The following GPC5 variants were observed in gnomAD, a reference collection of about 807,000 sequenced individuals.
GPC5 encodes glypican 5, also known as glypican-5.
GPC5 carries 47 observed loss-of-function variants against 53.9 expected under a neutral mutation model. The observed-to-expected ratio is 0.87, with a 90% CI of 0.69 to 1.11. The LOEUF is 1.11. GPC5 is among the 50% of genes most tolerant of loss of function. The pLI, the probability that GPC5 is intolerant of heterozygous loss-of-function variation, is 0.00. For missense variants in GPC5, 748 were observed against 713.1 expected (o/e 1.05, Z -0.56); for synonymous variants, 286 against 263.3 (o/e 1.09, Z -0.84).
chr13:92,663,901 T>TAC (rs1886477210), intron 7 of GPC5, among the ~76,000 whole-genome samples: 1 of 35,240 alleles, frequency 2.8e-5, no homozygotes, highest in African/African-American at 7.8e-5. Flanking sequence ...TATATATATA[T>TAC]ATACACACAC....
intron 7 of GPC5, among the ~76,000 whole-genome samples, chr13:92,264,407 C>G (rs1331609691): frequency 6.6e-6 from 1 of 152,158 alleles, no homozygotes. Flanking sequence ...CCATATTTTG[C>G]TTTAAGGTGT....
chr13:92,532,334 T>C (rs1203947625), intron 7 of GPC5, among the ~76,000 whole-genome samples: 1 of 152,198 alleles, frequency 6.6e-6, no homozygotes, highest in Non-Finnish European at 1.5e-5. Context: ...TTGATGATTA[T>C]TAAAATCGTG....
At chr13:92,756,536 A>G (rs1176526347) in intron 7 of GPC5, among the ~76,000 whole-genome samples, 1 of 152,048 alleles carries the variant, frequency 6.6e-6, no homozygotes, top group Non-Finnish European at 1.5e-5. Flanking sequence ...ACAGGAAGTC[A>G]AATTGTCCCT....
chr13:92,549,890 C>CAT (rs1221352548), intron 7 of GPC5, among the ~76,000 whole-genome samples: 1 of 136,986 alleles, frequency 7.3e-6, no homozygotes, highest in Non-Finnish European at 1.6e-5. Context: ...CACATACACA[C>CAT]ACACACACAC....
intron 7 of GPC5, among the ~76,000 whole-genome samples, chr13:92,162,815 CT>C (rs1432991017): frequency 1.3e-5 from 2 of 152,034 alleles, no homozygotes; most frequent in African/African-American, 4.8e-5. Context: ...CAACTCAATA[CT>C]TTTTTTCTGT....
intron 6 of GPC5, among the ~76,000 whole-genome samples, chr13:92,059,434 G>A (rs7985366): frequency 0.041 from 6,201 of 151,842 alleles, 491 homozygotes; most frequent in African/African-American, 0.14. Context: ...CTGCCCAAAG[G>A]CAACCATTAT....
intron 6 of GPC5, among the ~76,000 whole-genome samples, chr13:91,994,322 G>A (rs981517437): frequency 3.9e-5 from 6 of 152,140 alleles, no homozygotes; most frequent in South Asian, 2.1e-4. Flanking sequence ...TGCCTGACAC[G>A]TTACTACTGC....
intron 5 of GPC5, among the ~76,000 whole-genome samples, chr13:91,868,678 C>T (rs2039110814): frequency 6.6e-6 from 1 of 152,090 alleles, no homozygotes; most frequent in Non-Finnish European, 1.5e-5. Flanking sequence ...GCACTCCAGC[C>T]TGGGTGACAG....
At chr13:92,723,954 G>A (rs992021349) in intron 7 of GPC5, among the ~76,000 whole-genome samples, 1 of 151,604 alleles carries the variant, frequency 6.6e-6, no homozygotes, top group East Asian at 1.9e-4. Flanking sequence ...TAATTGAACT[G>A]TTTTTTGCGT....
At chr13:92,345,044 C>T (rs933985225) in intron 7 of GPC5, among the ~76,000 whole-genome samples, 8 of 152,002 alleles carry the variant, frequency 5.3e-5, no homozygotes, top group African/African-American at 1.9e-4. Context: ...TACTTTTGAA[C>T]TAGCATAATA....
intron 1 of GPC5, among the ~76,000 whole-genome samples, chr13:91,408,868 C>G (rs979945954): frequency 6.6e-6 from 1 of 151,966 alleles, no homozygotes; most frequent in African/African-American, 2.4e-5. Context: ...TAGTCTTTTG[C>G]TTTTCCTTGT....
intron 5 of GPC5, among the ~76,000 whole-genome samples, chr13:91,806,021 A>ATTTT (rs71113764): frequency 0.016 from 775 of 48,720 alleles, 61 homozygotes; most frequent in Non-Finnish European, 0.021. Context: ...AAATACAATA[A>ATTTT]TTTTTTTTTT....
At chr13:92,765,669 AC>A (rs1193943306) in intron 7 of GPC5, among the ~76,000 whole-genome samples, 1 of 152,150 alleles carries the variant, frequency 6.6e-6, no homozygotes, top group Non-Finnish European at 1.5e-5. Context: ...CAGGCCCTGC[AC>A]CAAGCAATCT....
At chr13:91,579,309 C>G (rs1053421448) in intron 2 of GPC5, among the ~76,000 whole-genome samples, 2 of 152,182 alleles carry the variant, frequency 1.3e-5, no homozygotes, top group Non-Finnish European at 2.9e-5. Context: ...CAAATGTCCT[C>G]TTCTTTATCT....
intron 4 of GPC5, among the ~76,000 whole-genome samples, chr13:91,740,418 A>T (rs1303796321): frequency 1.3e-5 from 2 of 152,184 alleles, no homozygotes; most frequent in Non-Finnish European, 2.9e-5. Flanking sequence ...TTGAAGAAGG[A>T]AAATTTCCTT....
intron 7 of GPC5, among the ~76,000 whole-genome samples, chr13:92,732,847 G>A (rs1190963977): frequency 6.6e-6 from 1 of 151,562 alleles, no homozygotes; most frequent in African/African-American, 2.4e-5. Flanking sequence ...GAAGCTGTCT[G>A]CCTCACTTAA....
intron 6 of GPC5, among the ~76,000 whole-genome samples, chr13:92,063,904 C>T (rs967797547): frequency 6.6e-6 from 1 of 151,856 alleles, no homozygotes; most frequent in Non-Finnish European, 1.5e-5. Flanking sequence ...TTTCATTTAC[C>T]TGAAAGTTTT....
chr13:91,610,083 G>A (rs1303113144), intron 2 of GPC5, among the ~76,000 whole-genome samples: 1 of 152,182 alleles, frequency 6.6e-6, no homozygotes, highest in Non-Finnish European at 1.5e-5. Flanking sequence ...TGATTATCAA[G>A]TGAGCAAAGA....
intron 7 of GPC5, among the ~76,000 whole-genome samples, chr13:92,827,608 C>T (rs1398826392): frequency 6.6e-6 from 1 of 152,142 alleles, no homozygotes; most frequent in Non-Finnish European, 1.5e-5. Context: ...GACCAGGCTG[C>T]TTTGCATGTA....
Sources: gnomAD v4.1 joint callset for allele counts (sites outside exome capture counted in the v4.1 genomes callset) on GRCh38, gnomAD v4.1.1 for gene constraint, MANE v1.5 for transcripts, NCBI Gene and HGNC (gene_info 2026-07-23, HGNC 2026-07-21) for gene names.